CCDC30: variants seen among roughly 807,000 people sequenced by gnomAD.
CCDC30 encodes the protein coiled-coil domain containing 30.
In CCDC30, 70 loss-of-function variants were observed where a neutral mutation model predicts 100.2. That is an observed-to-expected ratio of 0.70 (90% CI 0.58 to 0.85). The LOEUF is 0.85. Among genes scored for constraint, CCDC30 ranks in the 40% least tolerant of loss-of-function variants. CCDC30 has a pLI of 0.00. For missense variants in CCDC30, 652 were observed against 771.2 expected (o/e 0.85, Z 1.83); for synonymous variants, 233 against 269.5 (o/e 0.86, Z 1.33).
chr1:42,479,034 A>G (rs1461899683), intron 1 of CCDC30, among the ~76,000 whole-genome samples: 1 of 152,192 alleles, frequency 6.6e-6, no homozygotes, highest in East Asian at 1.9e-4. Context: ...TGGAGCACTA[A>G]CACTTCCTGA....
At chr1:42,559,087 A>G (rs1367889442) in intron 6 of CCDC30, among the ~76,000 whole-genome samples, 2 of 152,228 alleles carry the variant, frequency 1.3e-5, no homozygotes, top group Non-Finnish European at 2.9e-5. Context: ...TCAGACAAGC[A>G]AATGCTGAGG....
chr1:42,490,168 TAAG>T, exon 4 of CCDC30: 1 of 1,189,144 alleles, frequency 8.4e-7, no homozygotes. Flanking sequence ...ATTCTGCACT[TAAG>T]AAGGCTCAAC....
At chr1:42,653,032 T>C (rs531127453) in intron 15 of CCDC30, among the ~76,000 whole-genome samples, 28 of 152,316 alleles carry the variant, frequency 1.8e-4, no homozygotes, top group Middle Eastern at 3.4e-3. Flanking sequence ...CTTTATAGTA[T>C]GTGAATTACT....
chr1:42,606,778 A>G (rs138669005), intron 10 of CCDC30, among the ~76,000 whole-genome samples: 1 of 152,352 alleles, frequency 6.6e-6, no homozygotes, highest in African/African-American at 2.4e-5. Context: ...AAAAATTATG[A>G]CATTACAATA....
chr1:42,642,692 C>A, intron 13 of CCDC30, 83 bp downstream of exon 17: 1 of 1,284,636 alleles, frequency 7.8e-7, no homozygotes, highest in Non-Finnish European at 1.0e-6. Context: ...TAGAGACTGT[C>A]CTTTGAGTTT....
At chr1:42,623,659 C>T (rs961890874) in intron 11 of CCDC30, among the ~76,000 whole-genome samples, 9 of 152,034 alleles carry the variant, frequency 5.9e-5, no homozygotes, top group South Asian at 2.1e-4. Context: ...TTTGAAGGCA[C>T]GTAATGTGAT....
chr1:42,543,801 A>G lies in CCDC30; in HGVS notation c.457-22495A>G, dbSNP rs111427780. ...GTCCATATGAGATTTTATGGATTTT[A>G]TGAGATTATAGTCCATTTTACACAC... On this transcript the variant is annotated intron_variant, in intron 6 of 16. Coordinates refer to ENST00000668663, the Ensembl canonical transcript of CCDC30. Among the ~76,000 whole-genome samples the G allele has an allele frequency of 6.1e-3, 930 of 152,334 alleles. 5 individuals carry two copies. Among genetic ancestry groups the G allele is most frequent in the African/African-American group, 0.021 (862 of 41,576 alleles).
At chr1:42,591,928 G>A (rs1232554154) in intron 10 of CCDC30, 1 of 152,282 alleles carries the variant, frequency 6.6e-6, no homozygotes, top group African/African-American at 2.4e-5. Flanking sequence ...GAGTATTTTG[G>A]AGCTTTAAGA....
At chr1:42,563,254 C>T (rs1006161603) in intron 6 of CCDC30, among the ~76,000 whole-genome samples, 9 of 152,238 alleles carry the variant, frequency 5.9e-5, no homozygotes, top group African/African-American at 2.2e-4. Flanking sequence ...TATATATACA[C>T]CATGGAATAC....
rs1644463047 is a variant in CCDC30 at position 42,510,643 on chromosome 1, C to A, written c.456+11727C>A. ...CTGCACTCCAGCCTGGGTGAGAGAG[C>A]AAGACTCCGTTTCAAAAAAAAAAAA... On this transcript the variant is annotated intron_variant, in intron 6 of 16. Transcript: ENST00000668663. Among the ~76,000 whole-genome samples the A allele has an allele frequency of 3.5e-5, 5 of 142,398 alleles. No homozygotes were observed. In the Admixed American group the frequency reaches 3.6e-4, roughly 10 times the overall value. 93.4% of individuals were successfully genotyped at this position (142,398 alleles called of 152,430 possible).
intron 4 of CCDC30, among the ~76,000 whole-genome samples, chr1:42,494,111 A>G (rs1361602857): frequency 6.6e-6 from 1 of 152,198 alleles, no homozygotes; most frequent in Admixed American, 6.6e-5. Context: ...AAACTATACT[A>G]CAAGGCTACA....
intron 11 of CCDC30, among the ~76,000 whole-genome samples, chr1:42,634,540 A>G (rs1345902979): frequency 6.6e-6 from 1 of 152,216 alleles, no homozygotes. Context: ...TTTAAAGAAC[A>G]ACATTCTTTT....
At chr1:42,521,962 A>G (rs544641296) in intron 6 of CCDC30, among the ~76,000 whole-genome samples, 1 of 152,154 alleles carries the variant, frequency 6.6e-6, no homozygotes, top group Admixed American at 6.5e-5. Context: ...GACTGTATAT[A>G]CAGTCATCCT....
chr1:42,640,809 G>C (rs975706077), intron 12 of CCDC30, among the ~76,000 whole-genome samples: 1 of 151,952 alleles, frequency 6.6e-6, no homozygotes, highest in African/African-American at 2.4e-5. Context: ...CAGGAGAATT[G>C]CTTGAACCCA....
chr1:42,461,985 T>A (rs2148424598), upstream of CCDC30, among the ~76,000 whole-genome samples: 1 of 152,326 alleles, frequency 6.6e-6, no homozygotes, highest in Admixed American at 6.5e-5. Flanking sequence ...TAGCTTTATG[T>A]GGATGATGAC....
intron 6 of CCDC30, among the ~76,000 whole-genome samples, chr1:42,566,054 C>T (rs910493848): frequency 6.6e-6 from 1 of 152,052 alleles, no homozygotes; most frequent in African/African-American, 2.4e-5. Flanking sequence ...GTTGTCTGTG[C>T]CTAACTGCTT....
intron 6 of CCDC30, among the ~76,000 whole-genome samples, chr1:42,546,399 A>AATATATAT (rs66804938): frequency 1.2e-3 from 14 of 11,988 alleles, no homozygotes; most frequent in African/African-American, 2.6e-3. Context: ...AAAAAAAAAA[A>AATATATAT]ATATATATAT....
At chr1:42,513,041 C>T (rs924100548) in intron 6 of CCDC30, among the ~76,000 whole-genome samples, 4 of 152,212 alleles carry the variant, frequency 2.6e-5, no homozygotes, top group Admixed American at 1.3e-4. Context: ...ATTCTTACCA[C>T]TCTGATGGTT....
intron 8 of CCDC30, among the ~76,000 whole-genome samples, chr1:42,580,364 C>T (rs1352922191): frequency 6.6e-6 from 1 of 152,090 alleles, no homozygotes; most frequent in East Asian, 1.9e-4. Context: ...TGCAGAAAGC[C>T]CCTCTCTTAG....
Sources: allele counts gnomAD v4.1 joint callset (sites outside exome capture counted in the v4.1 genomes callset), GRCh38; gene constraint gnomAD v4.1.1; transcripts MANE v1.5; gene names NCBI Gene and HGNC (gene_info 2026-07-23, HGNC 2026-07-21).